Variants in UBR2 observed in about 807,000 individuals in gnomAD.
UBR2 encodes E3 ubiquitin-protein ligase UBR2.
A neutral mutation model predicts 247.9 loss-of-function variants in UBR2; 92 were observed. The observed-to-expected ratio is 0.37, with a 90% CI of 0.31 to 0.44. UBR2 has a LOEUF of 0.44. Ranked by LOEUF, UBR2 falls within the 20% of genes least tolerant of loss-of-function variation. The pLI, the probability that UBR2 is intolerant of heterozygous loss-of-function variation, is 1.00. For missense variants in UBR2, 1,613 were observed against 2,112.6 expected, an observed-to-expected ratio of 0.76 and a Z score of 4.64; for synonymous variants, 672 against 693.5, an observed-to-expected ratio of 0.97 and a Z score of 0.49.
chr6:42,660,640 T>C (rs1001205572), intron 30 of UBR2, among the ~76,000 whole-genome samples: 1 of 152,088 alleles, frequency 6.6e-6, no homozygotes, highest in East Asian at 1.9e-4. Context: ...ATCCTACTTA[T>C]GAAAGGTTGG....
intron 40 of UBR2, among the ~76,000 whole-genome samples, chr6:42,677,655 T>C (rs1562393842): frequency 6.6e-6 from 1 of 152,126 alleles, no homozygotes; most frequent in African/African-American, 2.4e-5. Context: ...AGCATGTGCC[T>C]GTGGTTCTAT....
chr6:42,623,449 G>A (rs754877733), intron 11 of UBR2, among the ~76,000 whole-genome samples: 1 of 152,002 alleles, frequency 6.6e-6, no homozygotes, highest in Non-Finnish European at 1.5e-5. Flanking sequence ...GTTTTTGTTT[G>A]TTTGGTTTTG....
chr6:42,615,965 C>T lies in UBR2; in HGVS notation c.1094-37C>T, dbSNP rs780228797. On this transcript the variant is annotated intron_variant, in intron 9 of 46. Transcript: ENST00000372901. ...ACACTTGAGAAATGTAATTGTTGGG[C>T]GTGTCCTTATCTTATACCGTGATCT... 27 of 1,382,644 alleles carry T rather than the reference C, an allele frequency of 2.0e-5. No homozygotes were observed. In the South Asian group the frequency reaches 2.0e-4, roughly 10 times the overall value. 85.6% of individuals were successfully genotyped at this position (1,382,644 alleles called of 1,614,324 possible). A position where few individuals can be genotyped will look rare whatever the true frequency, so the allele number is the denominator to read the frequency against.
At chr6:42,688,508 GA>G in intron 45 of UBR2, 122 bp downstream of exon 45, 1 of 1,163,076 alleles carries the variant, frequency 8.6e-7, no homozygotes, top group Non-Finnish European at 1.2e-6. Flanking sequence ...ATTCATTCCA[GA>G]AACGTGGAGC....
At chr6:42,690,387 G>A (rs1246613853) in intron 46 of UBR2, among the ~76,000 whole-genome samples, 1 of 152,202 alleles carries the variant, frequency 6.6e-6, no homozygotes, top group Non-Finnish European at 1.5e-5. Context: ...AGCGTGGGCT[G>A]TTAGGAGGAG....
chr6:42,615,988 T>C lies in UBR2; in HGVS notation c.1094-14T>C, dbSNP rs770754707. ...GGCGTGTCCTTATCTTATACCGTGA[T>C]CTTTTTCTACAAGGTGCTAGGAGTG... On this transcript the variant is annotated splice_polypyrimidine_tract_variant and intron_variant, in intron 9 of 46. Transcript: ENST00000372901. The C allele has an allele frequency of 1.7e-5, 27 of 1,562,028 alleles. No individual in the cohort carries two copies. The South Asian group carries it at 3.2e-4, about 19-fold the overall frequency.
intron 16 of UBR2, 115 bp downstream of exon 16, chr6:42,640,385 T>TTG: frequency 1.3e-5 from 1 of 77,154 alleles, no homozygotes; most frequent in Non-Finnish European, 2.0e-5. Flanking sequence ...ACCAGTAAGG[T>TTG]GTGTGTGTGT....
At chr6:42,612,488 A>G (rs1794152407) in intron 8 of UBR2, among the ~76,000 whole-genome samples, 197 bp downstream of exon 8, 1 of 152,254 alleles carries the variant, frequency 6.6e-6, no homozygotes, top group African/African-American at 2.4e-5. Flanking sequence ...TATTTTTTAT[A>G]TGCACACAAA....
In UBR2 at chr6:42,688,180, T is replaced by C. The variant is rs376841936; in HGVS notation, c.4854-36T>C. Reference sequence around the variant, plus strand: ...CATCACTAGCTCTTTAGCCACTCTTTAGATCAATGACTTGTGGGTTTTTTA... The same window carrying C: ...CATCACTAGCTCTTTAGCCACTCTTCAGATCAATGACTTGTGGGTTTTTTA... On this transcript the variant is annotated intron_variant, in intron 44 of 46. Transcript: ENST00000372901. 22 of 1,614,046 alleles carry C rather than the reference T, an allele frequency of 1.4e-5. No individual in the cohort carries two copies. The African/African-American group carries it at 1.5e-4, about 11-fold the overall frequency.
intron 2 of UBR2, among the ~76,000 whole-genome samples, chr6:42,580,729 G>C (rs987330017): frequency 6.6e-6 from 1 of 152,152 alleles, no homozygotes; most frequent in Admixed American, 6.5e-5. Flanking sequence ...TTGTAGTAGA[G>C]ACAGGGTTTC....
At chr6:42,660,942 G>A (rs1343031118) in intron 30 of UBR2, among the ~76,000 whole-genome samples, 1 of 151,454 alleles carries the variant, frequency 6.6e-6, no homozygotes. Flanking sequence ...CCTCCAGCCT[G>A]GGCAACGGAG....
At position 42,614,205 on chromosome 6, in the gene UBR2, A is replaced by AAAT. The variant is rs1562310782; in HGVS notation, c.986-866_986-865insAAT. ...AAAAAAAAAAAAAAAAAAAAAAAAA[A>AAAT]CTATATATATATACACACACACACA... On this transcript the variant is annotated intron_variant, in intron 8 of 46. Transcript: ENST00000372901. Among the ~76,000 whole-genome samples the AAAT allele has an allele frequency of 3.1e-3, 83 of 26,598 alleles. 4 individuals carry two copies. The highest frequency in any genetic ancestry group is 4.4e-3 in the Non-Finnish European group (65 of 14,870). The allele number at this position is 26,598 out of a possible 152,430, so 17.4% of individuals were successfully genotyped here. A position where few individuals can be genotyped will look rare whatever the true frequency, so the allele number is the denominator to read the frequency against.
chr6:42,648,647 A>G lies in UBR2; in HGVS notation c.2462+477A>G, dbSNP rs185190590. Among the ~76,000 whole-genome samples the G allele has an allele frequency of 4.4e-3, 668 of 152,210 alleles. 6 individuals are homozygous for G. The highest frequency in any genetic ancestry group is 0.015 in the African/African-American group (619 of 41,524). ...TGTTTTTTCTTTGCTTCCTACCCCA[A>G]TGACAATGTATTCATTTTTTTTAAC... On this transcript the variant is annotated intron_variant, in intron 22 of 46. Coordinates refer to ENST00000372901, the MANE Select transcript of UBR2 (RefSeq NM_001363705.2).
chr6:42,691,014 T>G lies in UBR2; in HGVS notation c.5127-18T>G, dbSNP rs373341. ...TAAACAGAACACATTCTGAGTGACA[T>G]GTGTCTTCTCTTTCTAGACGGGGAA... On this transcript the variant is annotated intron_variant, in intron 46 of 46. Transcript: ENST00000372901. 79 of 1,612,774 alleles carry G rather than the reference T, an allele frequency of 4.9e-5. No individual in the cohort carries two copies. Among genetic ancestry groups the G allele is most frequent in the Middle Eastern group, 1.6e-4 (1 of 6,078 alleles).
rs59248267 is a variant in UBR2, at chr6:42,659,520, TACACACACACACACACACAC to T, written c.3243-113_3243-94del. On this transcript the variant is annotated intron_variant, in intron 29 of 46. Transcript: ENST00000372901. This position sits in a 1 kb window ranked among gnomAD's most constrained non-coding sequence, Gnocchi z 4.3. The stretch of plus-strand genomic sequence containing the variant: ...GTCTCAAAAAATAAATAAATATATA[TACACACACACACACACACAC>T]ACACACACACACACACACACACTAC... 3.7e-3 allele frequency: 1,852 copies of T among 503,080 alleles called. 12 individuals are homozygous for T. The highest frequency in any genetic ancestry group is 0.023 in the East Asian group (640 of 28,088). The allele number at this position is 503,080 out of a possible 1,614,324, so 31.2% of individuals were successfully genotyped here.
chr6:42,675,437 T>C (rs1037970438), intron 38 of UBR2, among the ~76,000 whole-genome samples: 1 of 152,190 alleles, frequency 6.6e-6, no homozygotes, highest in Non-Finnish European at 1.5e-5. Context: ...ACCCATGTTT[T>C]TTCAACTGCC....
chr6:42,606,041 G>A (rs558799402), intron 6 of UBR2, among the ~76,000 whole-genome samples, 182 bp downstream of exon 6: 45 of 152,182 alleles, frequency 3.0e-4, no homozygotes, highest in African/African-American at 1.0e-3. Context: ...TCAGGAGTTC[G>A]AGACCAGCCT....
intron 2 of UBR2, among the ~76,000 whole-genome samples, chr6:42,574,888 G>A (rs1229875740): frequency 2.0e-5 from 3 of 151,818 alleles, no homozygotes; most frequent in African/African-American, 7.3e-5. Flanking sequence ...TAATAGAGAC[G>A]GGGTTTCACC....
intron 2 of UBR2, among the ~76,000 whole-genome samples, chr6:42,589,325 ACATGATTTT>A (rs1259873265): frequency 6.6e-6 from 1 of 152,192 alleles, no homozygotes; most frequent in African/African-American, 2.4e-5. Context: ...TGATAGATTT[ACATGATTTT>A]CAGATGTTGA....
Sources: allele counts gnomAD v4.1 joint callset (sites outside exome capture counted in the v4.1 genomes callset), GRCh38; gene constraint gnomAD v4.1.1; non-coding constraint Gnocchi (gnomAD v3.1); transcripts MANE v1.5; gene names NCBI Gene and HGNC (gene_info 2026-07-23, HGNC 2026-07-21).